SNTA1: variants seen among roughly 807,000 people sequenced by gnomAD.
SNTA1 encodes the protein syntrophin alpha 1, also known as alpha-1-syntrophin.
In SNTA1, 31 loss-of-function variants were observed where a neutral mutation model predicts 47.1. The ratio of observed to expected loss-of-function variants is 0.66; its 90% CI spans 0.49 to 0.89. The LOEUF is 0.89. Ranked by LOEUF, SNTA1 falls within the 40% of genes least tolerant of loss-of-function variation. SNTA1 has a pLI of 0.00. For synonymous variants in SNTA1, 300 were observed against 313.6 expected, an observed-to-expected ratio of 0.96 and a Z score of 0.46; for missense variants, 575 against 693.0, an observed-to-expected ratio of 0.83 and a Z score of 1.91.
At chr20:33,441,330 C>T (rs942089491) in intron 1 of SNTA1, among the ~76,000 whole-genome samples, 7 of 152,182 alleles carry the variant, frequency 4.6e-5, no homozygotes, top group African/African-American at 7.2e-5. Context: ...CTACCACAGA[C>T]GACAAGTCAG....
intron 3 of SNTA1, among the ~76,000 whole-genome samples, chr20:33,416,564 G>A (rs1025370143): frequency 6.6e-6 from 1 of 152,174 alleles, no homozygotes; most frequent in African/African-American, 2.4e-5. Context: ...CAGCACTTTG[G>A]GAGGCCGAGG....
intron 5 of SNTA1, among the ~76,000 whole-genome samples, chr20:33,410,558 A>G (rs1989716582): frequency 1.3e-5 from 2 of 152,172 alleles, no homozygotes; most frequent in Non-Finnish European, 2.9e-5. Context: ...CACCTAGCAC[A>G]TGCCTGCCTC....
intron 2 of SNTA1, among the ~76,000 whole-genome samples, chr20:33,430,794 C>T (rs901775360): frequency 6.6e-5 from 10 of 150,970 alleles, no homozygotes; most frequent in African/African-American, 2.2e-4. Context: ...ACTAAAAATA[C>T]AAAAATTAGC....
intron 2 of SNTA1, among the ~76,000 whole-genome samples, chr20:33,418,233 T>C (rs1989927870): frequency 6.6e-6 from 1 of 151,466 alleles, no homozygotes; most frequent in Admixed American, 6.6e-5. Flanking sequence ...CCAGCCTCCT[T>C]TGCAGTGAGG....
intron 2 of SNTA1, among the ~76,000 whole-genome samples, chr20:33,432,587 A>T (rs546556044): frequency 2.0e-5 from 3 of 152,202 alleles, no homozygotes; most frequent in Admixed American, 6.5e-5. Context: ...AAAGAAAACA[A>T]TAACAGGATC....
intron 2 of SNTA1, among the ~76,000 whole-genome samples, chr20:33,420,451 A>G (rs903429523): frequency 3.9e-5 from 6 of 152,150 alleles, no homozygotes; most frequent in African/African-American, 1.4e-4. Flanking sequence ...ACAGCCCCCA[A>G]TGGTGCAACT....
intron 3 of SNTA1, among the ~76,000 whole-genome samples, chr20:33,415,016 T>A (rs1052889135): frequency 6.6e-6 from 1 of 152,200 alleles, no homozygotes; most frequent in Non-Finnish European, 1.5e-5. Context: ...CCAGGCTGTA[T>A]CCCTATGACT....
chr20:33,434,505 G>A (rs1317687603), intron 2 of SNTA1, among the ~76,000 whole-genome samples: 5 of 152,084 alleles, frequency 3.3e-5, no homozygotes, highest in Non-Finnish European at 5.9e-5. Context: ...GAATGATCTC[G>A]TCCTGTGAAA....
chr20:33,424,485 G>A (rs529719901), intron 2 of SNTA1, among the ~76,000 whole-genome samples: 1 of 151,444 alleles, frequency 6.6e-6, no homozygotes, highest in African/African-American at 2.4e-5. Context: ...ACCAGCCTGG[G>A]TGACATAGGG....
intron 3 of SNTA1, 133 bp from the exon 4 acceptor site, chr20:33,412,915 C>T (rs1417361368): frequency 5.7e-6 from 4 of 701,506 alleles, no homozygotes; most frequent in Non-Finnish European, 1.0e-5. Flanking sequence ...CAGGAGCAAC[C>T]CTCACTGCTG....
intron 6 of SNTA1, 125 bp from the exon 7 acceptor site, chr20:33,409,013 T>G: frequency 1.2e-6 from 1 of 842,984 alleles, no homozygotes; most frequent in Non-Finnish European, 2.0e-6. Context: ...GCTCACTGTT[T>G]GTCGTGGCAC....
intron 2 of SNTA1, among the ~76,000 whole-genome samples, chr20:33,432,754 G>A (rs1042469188): frequency 1.8e-4 from 28 of 152,144 alleles, no homozygotes; most frequent in African/African-American, 6.5e-4. Context: ...CCAGCTACTT[G>A]AGAGGCTGAG....
intron 2 of SNTA1, among the ~76,000 whole-genome samples, chr20:33,430,936 G>A (rs1219792040): frequency 4.6e-5 from 7 of 150,594 alleles, no homozygotes; most frequent in Non-Finnish European, 1.0e-4. Flanking sequence ...GCAACAGAGC[G>A]AGACTCCGTC....
chr20:33,408,249 C>T lies in SNTA1; in HGVS notation c.*258G>A. 1 of 529,150 alleles carries T rather than the reference C, an allele frequency of 1.9e-6. No individual in the cohort carries two copies. Among genetic ancestry groups the T allele is most frequent in the Non-Finnish European group, 3.4e-6 (1 of 290,156 alleles). The allele number at this position is 529,150 out of a possible 1,614,324, so 32.8% of individuals were successfully genotyped here. A position where few individuals can be genotyped will look rare whatever the true frequency, so the allele number is the denominator to read the frequency against. ...AGACTCGGAATGGCTTCTGTGTACA[C>T]AAAATATCTCTCTGCAAAAGGCACT... On this transcript the variant is annotated 3_prime_UTR_variant, in exon 8 of 8. Transcript: ENST00000217381.
chr20:33,414,283 AAAC>A (rs1989822717), intron 3 of SNTA1, among the ~76,000 whole-genome samples: 1 of 149,528 alleles, frequency 6.7e-6, no homozygotes, highest in South Asian at 2.1e-4. Flanking sequence ...CAGAAAAACA[AAAC>A]AACAACAAAA....
At chr20:33,440,617 G>T (rs529343900) in intron 1 of SNTA1, among the ~76,000 whole-genome samples, 1 of 150,998 alleles carries the variant, frequency 6.6e-6, no homozygotes, top group African/African-American at 2.4e-5. Flanking sequence ...CTGCACTCCA[G>T]CATGGGCGAC....
chr20:33,410,285 C>G lies in SNTA1; in HGVS notation c.1087G>C (p.Glu363Gln), dbSNP rs749476668. ...PSKGSVPYDA[E>Q]LSFALRTGTR... ...CCCGTGCGCAGGGCAAAAGAGAGCTCTGCATCGTAGGGCACTGAGCCCTTG... is the reference window on the plus strand; with the variant it reads ...CCCGTGCGCAGGGCAAAAGAGAGCTGTGCATCGTAGGGCACTGAGCCCTTG... The change falls in exon 6 of 8, where the codon GAG (glutamate) becomes CAG (glutamine). Residue 363 changes from glutamate to glutamine, a missense_variant. Glu to Gln is a conservative substitution (Grantham distance 29). Transcript: ENST00000217381. The G allele has an allele frequency of 6.2e-7, 1 of 1,611,618 alleles. No homozygotes were observed.
rs370908210 is a variant in SNTA1, at chr20:33,409,722, C to T, written c.1237+413G>A. On this transcript the variant is annotated intron_variant, in intron 6 of 7. Transcript: ENST00000217381. ...AATCTGGGCCCACTACAACCTCCAC[C>T]TCCCAGATTCAAACAATTCTGCCTC... 7.2e-4 allele frequency among the ~76,000 whole-genome samples: 109 copies of T among 152,188 alleles called. 3 individuals carry two copies. The South Asian group carries it at 0.018, about 25-fold the overall frequency.
chr20:33,424,788 C>G (rs1032552058), intron 2 of SNTA1, among the ~76,000 whole-genome samples: 2 of 150,622 alleles, frequency 1.3e-5, no homozygotes, highest in Non-Finnish European at 3.0e-5. Context: ...GCTGGGATTA[C>G]AGGTTTGAGC....
Sources: allele counts gnomAD v4.1 joint callset (sites outside exome capture counted in the v4.1 genomes callset), GRCh38; gene constraint gnomAD v4.1.1; transcripts MANE v1.5; gene names NCBI Gene and HGNC (gene_info 2026-07-23, HGNC 2026-07-21).